The following SDK1 variants were observed in gnomAD, a reference collection of about 807,000 sequenced individuals.
SDK1 encodes protein sidekick-1.
In SDK1, 157 loss-of-function variants were observed where a neutral mutation model predicts 245.5. The ratio of observed to expected loss-of-function variants is 0.64; its 90% CI spans 0.56 to 0.73. SDK1 has a LOEUF of 0.73. Ranked by LOEUF, SDK1 falls within the 30% of genes least tolerant of loss-of-function variation. SDK1 has a pLI of 0.00. For missense variants in SDK1, 3,583 were observed against 3,002.3 expected, an observed-to-expected ratio of 1.19 and a Z score of -4.52; for synonymous variants, 1,647 against 1,278.5, an observed-to-expected ratio of 1.29 and a Z score of -6.15.
intron 1 of SDK1, among the ~76,000 whole-genome samples, chr7:3,614,086 C>A (rs1283577830): frequency 6.6e-6 from 1 of 152,052 alleles, no homozygotes; most frequent in Non-Finnish European, 1.5e-5. Flanking sequence ...ACAAGTTTAC[C>A]TATGTAACAA....
chr7:3,828,652 T>TC, intron 5 of SDK1, among the ~76,000 whole-genome samples: 1 of 20,472 alleles, frequency 4.9e-5, no homozygotes, highest in African/African-American at 2.1e-4. Context: ...TTTTGTTCTT[T>TC]TTTTTTTTTT....
chr7:3,571,735 T>A, intron 1 of SDK1, among the ~76,000 whole-genome samples: 1 of 152,158 alleles, frequency 6.6e-6, no homozygotes, highest in African/African-American at 2.4e-5. Context: ...GCTCAATGAA[T>A]ATAACATTCT....
intron 4 of SDK1, among the ~76,000 whole-genome samples, chr7:3,686,482 G>C (rs538634047): frequency 6.6e-6 from 1 of 152,336 alleles, no homozygotes; most frequent in East Asian, 1.9e-4. Flanking sequence ...ATACTCATGG[G>C]CTGTACAAGG....
chr7:3,595,466 T>A (rs559705520), intron 1 of SDK1, among the ~76,000 whole-genome samples: 2 of 152,188 alleles, frequency 1.3e-5, no homozygotes, highest in South Asian at 4.1e-4. Flanking sequence ...GTATGTATAT[T>A]TTCTCATTTT....
intron 43 of SDK1, 138 bp downstream of exon 43, chr7:4,242,051 C>T: frequency 3.0e-6 from 3 of 995,754 alleles, no homozygotes; most frequent in Non-Finnish European, 4.4e-6. Context: ...GCCAAGTGCG[C>T]TCCCAAACCA....
intron 5 of SDK1, among the ~76,000 whole-genome samples, chr7:3,940,334 C>G (rs1435672758): frequency 1.3e-5 from 2 of 152,250 alleles, no homozygotes; most frequent in Non-Finnish European, 2.9e-5. Flanking sequence ...ACTTCTGCTT[C>G]TGTATAGCTC....
At chr7:3,765,658 C>T (rs1338202131) in intron 4 of SDK1, among the ~76,000 whole-genome samples, 1 of 152,152 alleles carries the variant, frequency 6.6e-6, no homozygotes, top group Non-Finnish European at 1.5e-5. Flanking sequence ...TATCTAACAA[C>T]TTCATTATGC....
rs1783282903 is a variant in SDK1, at chr7:4,110,679, A to G, written c.3341A>G (p.Asp1114Gly). 1 of 1,613,536 alleles carries G rather than the reference A, an allele frequency of 6.2e-7. No individual in the cohort carries two copies. The highest frequency in any genetic ancestry group is 2.2e-5 in the East Asian group (1 of 44,846). The change falls in exon 23 of 45, where the codon GAC (aspartate) becomes GGC (glycine). Residue 1114 changes from aspartate to glycine, a missense_variant. Asp to Gly is a moderately conservative substitution (Grantham distance 94). Transcript: ENST00000404826. ...TCTGCACAGGTGGGAGCTATCGGCG[A>G]CGAGGAGGAGTGGGTCACCCTCTAT... Reference protein sequence around the residue: ...IVEGQVGAIGDEEEWVTLYEE... With the variant: ...IVEGQVGAIGGEEEWVTLYEE...
At chr7:3,339,427 C>G (rs1780287181) in intron 1 of SDK1, among the ~76,000 whole-genome samples, 1 of 152,144 alleles carries the variant, frequency 6.6e-6, no homozygotes, top group Non-Finnish European at 1.5e-5. Flanking sequence ...AGGACTTACA[C>G]AATTGACCAA....
intron 1 of SDK1, among the ~76,000 whole-genome samples, chr7:3,470,370 A>G (rs1781143535): frequency 6.6e-6 from 1 of 152,202 alleles, no homozygotes; most frequent in South Asian, 2.1e-4. Flanking sequence ...AACGTGTACA[A>G]CTATTTAAAG....
chr7:4,084,525 G>A (rs189317060), intron 22 of SDK1, among the ~76,000 whole-genome samples: 10 of 152,260 alleles, frequency 6.6e-5, no homozygotes, highest in Admixed American at 5.2e-4. Flanking sequence ...ACGATAACCT[G>A]AGCACCAAGG....
chr7:3,522,893 A>G (rs556534246), intron 1 of SDK1, among the ~76,000 whole-genome samples: 1 of 47,696 alleles, frequency 2.1e-5, no homozygotes, highest in Non-Finnish European at 4.2e-5. Flanking sequence ...AGATCTGATT[A>G]GTTTGTTAAA....
intron 22 of SDK1, among the ~76,000 whole-genome samples, chr7:4,089,841 G>T (rs968079946): frequency 3.9e-5 from 6 of 152,194 alleles, no homozygotes; most frequent in Admixed American, 1.3e-4. Flanking sequence ...CCTCATCCAT[G>T]ATTTGCCCAG....
intron 35 of SDK1, among the ~76,000 whole-genome samples, chr7:4,180,402 C>CCAGCTCCAGCTCTA (rs1562398803): frequency 2.7e-5 from 4 of 147,170 alleles, no homozygotes; most frequent in Admixed American, 6.7e-5. Context: ...TGCCCAGCGC[C>CCAGCTCCAGCTCTA]TGGCTCCAGC....
At chr7:3,378,028 C>G (rs1287744590) in intron 1 of SDK1, among the ~76,000 whole-genome samples, 2 of 152,136 alleles carry the variant, frequency 1.3e-5, no homozygotes, top group East Asian at 3.9e-4. Context: ...ATCCGCCTGC[C>G]TCGGCTTCCC....
intron 5 of SDK1, among the ~76,000 whole-genome samples, chr7:3,872,022 A>G (rs1420766200): frequency 6.6e-6 from 1 of 152,026 alleles, no homozygotes; most frequent in Non-Finnish European, 1.5e-5. Flanking sequence ...AACTTTCTCA[A>G]ATCTTTTCTT....
At chr7:3,324,004 G>T (rs1317535296) in intron 1 of SDK1, among the ~76,000 whole-genome samples, 1 of 152,162 alleles carries the variant, frequency 6.6e-6, no homozygotes, top group Non-Finnish European at 1.5e-5. Flanking sequence ...TGTGTTACAA[G>T]AATTGTATCA....
chr7:3,644,243 TTA>T (rs66881824), intron 4 of SDK1, among the ~76,000 whole-genome samples: 89,447 of 145,230 alleles, frequency 0.62, 27,854 homozygotes, highest in Non-Finnish European at 0.69. Flanking sequence ...GAACAAAAAT[TTA>T]TATATATATA....
intron 1 of SDK1, among the ~76,000 whole-genome samples, chr7:3,548,250 A>G (rs1779293110): frequency 6.6e-6 from 1 of 152,228 alleles, no homozygotes; most frequent in African/African-American, 2.4e-5. Context: ...AATAAATATC[A>G]TTGATATAAC....
Sources: gnomAD v4.1 joint callset for allele counts (sites outside exome capture counted in the v4.1 genomes callset) on GRCh38, gnomAD v4.1.1 for gene constraint, MANE v1.5 for transcripts, NCBI Gene and HGNC (gene_info 2026-07-23, HGNC 2026-07-21) for gene names.